The following PKIA variants were observed in gnomAD, a reference collection of about 807,000 sequenced individuals.
PKIA encodes the protein PKI-alpha.
In PKIA, 4 loss-of-function variants were observed where a neutral mutation model predicts 7.6. That is an observed-to-expected ratio of 0.52 (90% CI 0.26 to 1.20). The LOEUF (loss-of-function observed/expected upper bound fraction) is 1.20, where lower values mean the gene tolerates loss of function less well. Among genes scored for constraint, PKIA ranks in the 50% most tolerant of loss-of-function variants. The probability of loss-of-function intolerance (pLI) is 0.13; values close to 1 mark genes in which losing one functional copy is unlikely to be tolerated. For synonymous variants in PKIA, 21 were observed against 30.7 expected (o/e 0.68, Z 1.04); for missense variants, 73 against 86.2 (o/e 0.85, Z 0.61).
intron 1 of PKIA, among the ~76,000 whole-genome samples, chr8:78,557,655 G>GTA (rs556455026): frequency 3.0e-4 from 46 of 152,212 alleles, no homozygotes; most frequent in Non-Finnish European, 5.0e-4. Context: ...TAAGGCTCTT[G>GTA]TCAAAATGGT....
chr8:78,560,268 T>C, intron 1 of PKIA, among the ~76,000 whole-genome samples: 1 of 152,350 alleles, frequency 6.6e-6, no homozygotes. Context: ...GAAAACTGAT[T>C]TATTTTCATT....
intron 1 of PKIA, among the ~76,000 whole-genome samples, chr8:78,551,513 T>C (rs1806982720): frequency 6.6e-6 from 1 of 152,010 alleles, no homozygotes; most frequent in Non-Finnish European, 1.5e-5. Flanking sequence ...ACTGTAATCG[T>C]TTAATTTTTA....
At chr8:78,537,355 T>G (rs902150636) in intron 1 of PKIA, among the ~76,000 whole-genome samples, 7 of 152,054 alleles carry the variant, frequency 4.6e-5, no homozygotes, top group African/African-American at 1.7e-4. Context: ...GAAGCTTAAC[T>G]GACTAAATTT....
chr8:78,530,667 AT>A, intron 1 of PKIA, among the ~76,000 whole-genome samples: 1 of 152,198 alleles, frequency 6.6e-6, no homozygotes, highest in South Asian at 2.1e-4. Context: ...TCTAGTTTGC[AT>A]TGACATAATG....
rs185411733 is a variant in PKIA, at chr8:78,604,457, T to C, written c.*2636T>C. The C allele has an allele frequency of 2.0e-5, 3 of 152,108 alleles. No individual in the cohort carries two copies. The highest frequency in any genetic ancestry group is 7.2e-5 in the African/African-American group (3 of 41,548). The allele number at this position is 152,108 out of a possible 1,614,324, so 9.4% of individuals were successfully genotyped here. On this transcript the variant is annotated 3_prime_UTR_variant, in exon 4 of 4. Coordinates refer to ENST00000396418, the MANE Select transcript of PKIA (RefSeq NM_006823.4). ...AACTGCAGAGCTGTAAGGGAACTTT[T>C]AGAGATGAACTTCTTCAGCCTCCAT... is the stretch of plus-strand genomic sequence containing the variant.
At chr8:78,525,291 A>G (rs1809521185) in intron 1 of PKIA, among the ~76,000 whole-genome samples, 1 of 151,928 alleles carries the variant, frequency 6.6e-6, no homozygotes, top group Non-Finnish European at 1.5e-5. Flanking sequence ...TTTTGTCTGC[A>G]TCTCTTTTTC....
rs549190893 is a variant in PKIA at position 78,591,283 on chromosome 8, C to T, written c.-27-7075C>T. ...ACTTCAGTTTGTTTAACGTAGGAGA[C>T]GTAAGTACATGCTTTTCATAGCCTC... On this transcript the variant is annotated intron_variant, in intron 2 of 3. Transcript: ENST00000396418. 9 of 152,734 alleles carry T rather than the reference C, an allele frequency of 5.9e-5. No homozygotes were observed. The South Asian group carries it at 1.2e-3, about 21-fold the overall frequency. 9.5% of individuals were successfully genotyped at this position (152,734 alleles called of 1,614,324 possible). A position where few individuals can be genotyped will look rare whatever the true frequency, so the allele number is the denominator to read the frequency against.
At chr8:78,555,263 C>G (rs1000024601) in intron 1 of PKIA, among the ~76,000 whole-genome samples, 1 of 151,982 alleles carries the variant, frequency 6.6e-6, no homozygotes, top group Non-Finnish European at 1.5e-5. Flanking sequence ...TTATCTAATA[C>G]CCCTTACAGT....
chr8:78,544,513 T>C (rs1339743300), intron 1 of PKIA, among the ~76,000 whole-genome samples: 1 of 152,198 alleles, frequency 6.6e-6, no homozygotes, highest in Non-Finnish European at 1.5e-5. Context: ...CTTATTGCAC[T>C]GTTTCCAGTG....
chr8:78,601,576 C>T (rs1008339033), intron 3 of PKIA, among the ~76,000 whole-genome samples, 166 bp from the exon 4 acceptor site: 7 of 152,020 alleles, frequency 4.6e-5, no homozygotes, highest in East Asian at 1.9e-4. Context: ...AAAACTTAAG[C>T]TGTTTTCTTA....
chr8:78,543,637 A>G (rs901634158), intron 1 of PKIA, among the ~76,000 whole-genome samples: 1 of 152,182 alleles, frequency 6.6e-6, no homozygotes, highest in Non-Finnish European at 1.5e-5. Context: ...GGAGGCCTAG[A>G]GGCTGGTATG....
At chr8:78,582,782 C>G (rs969607583) in intron 2 of PKIA, among the ~76,000 whole-genome samples, 2 of 152,102 alleles carry the variant, frequency 1.3e-5, no homozygotes, top group Non-Finnish European at 2.9e-5. Flanking sequence ...AACTTTCACA[C>G]TCGCAAACTC....
At chr8:78,554,885 T>G (rs1020148259) in intron 1 of PKIA, among the ~76,000 whole-genome samples, 3 of 152,098 alleles carry the variant, frequency 2.0e-5, no homozygotes, top group Admixed American at 6.6e-5. Flanking sequence ...TTAAAGAGAC[T>G]AGTTTAAAAA....
chr8:78,544,255 G>A (rs1216252409), intron 1 of PKIA, among the ~76,000 whole-genome samples: 4 of 152,056 alleles, frequency 2.6e-5, no homozygotes, highest in African/African-American at 9.7e-5. Context: ...TTTAAATTCT[G>A]TGTTCTCACA....
chr8:78,547,423 T>C (rs1806855870), intron 1 of PKIA, among the ~76,000 whole-genome samples: 1 of 152,140 alleles, frequency 6.6e-6, no homozygotes, highest in Non-Finnish European at 1.5e-5. Flanking sequence ...TTTTAAAATG[T>C]TGCACACAAA....
At chr8:78,588,129 A>G (rs2130238703) in intron 2 of PKIA, among the ~76,000 whole-genome samples, 1 of 152,320 alleles carries the variant, frequency 6.6e-6, no homozygotes, top group South Asian at 2.1e-4. Context: ...ACACAATAAC[A>G]AAGTTATTTA....
At chr8:78,567,147 C>T (rs1401881458) in intron 1 of PKIA, among the ~76,000 whole-genome samples, 2 of 152,080 alleles carry the variant, frequency 1.3e-5, no homozygotes, top group Admixed American at 1.3e-4. Flanking sequence ...ATTTCTCATA[C>T]ATACTATACC....
chr8:78,530,469 C>T (rs1054018216), intron 1 of PKIA, among the ~76,000 whole-genome samples: 6 of 152,122 alleles, frequency 3.9e-5, no homozygotes, highest in African/African-American at 1.4e-4. Context: ...GGGTTATTTA[C>T]TTTCATCAAC....
chr8:78,590,664 G>A (rs926827834), intron 2 of PKIA, among the ~76,000 whole-genome samples: 5 of 151,400 alleles, frequency 3.3e-5, no homozygotes, highest in Admixed American at 3.3e-4. Context: ...TTTTGCTTTG[G>A]AGAATATATT....
Sources: gnomAD v4.1 joint callset for allele counts (sites outside exome capture counted in the v4.1 genomes callset) on GRCh38, gnomAD v4.1.1 for gene constraint, MANE v1.5 for transcripts, NCBI Gene and HGNC (gene_info 2026-07-23, HGNC 2026-07-21) for gene names.